The following CSMD1 variants were observed in gnomAD, a reference collection of about 807,000 sequenced individuals.
CSMD1 encodes the protein CUB and sushi domain-containing protein 1.
A neutral mutation model predicts 417.5 loss-of-function variants in CSMD1; 213 were observed. The ratio of observed to expected loss-of-function variants is 0.51; its 90% CI spans 0.46 to 0.57. CSMD1 has a LOEUF of 0.57. CSMD1 is among the 20% of genes least tolerant of loss of function. The probability of loss-of-function intolerance (pLI) is 0.00; values close to 1 mark genes in which losing one functional copy is unlikely to be tolerated. For synonymous variants in CSMD1, 2,862 were observed against 1,736.8 expected (o/e 1.65, Z -16.11); for missense variants, 6,923 against 4,529.7 (o/e 1.53, Z -15.17).
At chr8:3,938,123 T>G (rs2554620) in intron 5 of CSMD1, among the ~76,000 whole-genome samples, 1 of 151,794 alleles carries the variant, frequency 6.6e-6, no homozygotes, top group Non-Finnish European at 1.5e-5. Flanking sequence ...TATAAAATGT[T>G]AGATGTAAAT....
At chr8:4,197,864 G>T (rs1030715311) in intron 3 of CSMD1, among the ~76,000 whole-genome samples, 2 of 152,140 alleles carry the variant, frequency 1.3e-5, no homozygotes, top group African/African-American at 2.4e-5. Flanking sequence ...GGGCAACAGA[G>T]TAAGACTCCA....
At chr8:4,506,076 C>A (rs1273388664) in intron 2 of CSMD1, among the ~76,000 whole-genome samples, 1 of 152,044 alleles carries the variant, frequency 6.6e-6, no homozygotes, top group Non-Finnish European at 1.5e-5. Flanking sequence ...AAAAGCCATT[C>A]GAATAACCAA....
At chr8:4,357,183 A>G (rs1801477875) in intron 3 of CSMD1, among the ~76,000 whole-genome samples, 1 of 152,178 alleles carries the variant, frequency 6.6e-6, no homozygotes, top group South Asian at 2.1e-4. Flanking sequence ...ATGCTCACAC[A>G]TGTAGTGTGT....
intron 49 of CSMD1, among the ~76,000 whole-genome samples, chr8:3,064,342 G>A (rs190177715): frequency 1.3e-5 from 2 of 152,274 alleles, no homozygotes; most frequent in Admixed American, 1.3e-4. Context: ...CAGGAGATCT[G>A]ATGGTTTGAA....
At chr8:4,325,351 G>T (rs150470390) in intron 3 of CSMD1, among the ~76,000 whole-genome samples, 63 of 152,240 alleles carry the variant, frequency 4.1e-4, no homozygotes, top group Non-Finnish European at 7.2e-4. Flanking sequence ...CTCTTGTCTA[G>T]GAAGTCTTAG....
chr8:4,592,535 G>C (rs894323908), intron 2 of CSMD1, among the ~76,000 whole-genome samples: 1 of 151,650 alleles, frequency 6.6e-6, no homozygotes. Context: ...TACAGGGGCC[G>C]GCCACCACGC....
intron 3 of CSMD1, among the ~76,000 whole-genome samples, chr8:4,394,207 C>T (rs1201115944): frequency 6.6e-6 from 1 of 152,038 alleles, no homozygotes; most frequent in African/African-American, 2.4e-5. Context: ...GAGACAAGTG[C>T]CTAGGTCTTA....
At chr8:4,638,369 C>T (rs1466243082) in intron 1 of CSMD1, among the ~76,000 whole-genome samples, 2 of 152,152 alleles carry the variant, frequency 1.3e-5, no homozygotes, top group Non-Finnish European at 2.9e-5. Context: ...TTGATCGGTG[C>T]CTGTGCTGGC....
intron 3 of CSMD1, among the ~76,000 whole-genome samples, chr8:4,065,821 C>CT (rs942136679): frequency 3.9e-5 from 6 of 152,186 alleles, no homozygotes; most frequent in East Asian, 3.9e-4. Flanking sequence ...GAGGAGTTTT[C>CT]TTTTTTTGGA....
chr8:3,292,077 A>G (rs950432050), intron 25 of CSMD1, among the ~76,000 whole-genome samples: 2 of 151,814 alleles, frequency 1.3e-5, no homozygotes, highest in African/African-American at 4.8e-5. Flanking sequence ...CCTTCATTTC[A>G]TTATTTACTC....
At chr8:4,115,448 G>A (rs1485257530) in intron 3 of CSMD1, among the ~76,000 whole-genome samples, 1 of 152,060 alleles carries the variant, frequency 6.6e-6, no homozygotes, top group African/African-American at 2.4e-5. Flanking sequence ...AATCTCTGAG[G>A]TATGCCTGTG....
At chr8:4,342,201 GTGTC>G (rs1480453048) in intron 3 of CSMD1, among the ~76,000 whole-genome samples, 1 of 10,772 alleles carries the variant, frequency 9.3e-5, no homozygotes, top group Non-Finnish European at 2.2e-4. Flanking sequence ...CAGCAGTGCT[GTGTC>G]TGTGTGTGTG....
chr8:3,613,583 G>A (rs1801993094), intron 8 of CSMD1, among the ~76,000 whole-genome samples: 1 of 151,850 alleles, frequency 6.6e-6, no homozygotes, highest in Non-Finnish European at 1.5e-5. Flanking sequence ...TTCAGAATAT[G>A]AGTTTTTAAC....
intron 21 of CSMD1, among the ~76,000 whole-genome samples, chr8:3,351,348 T>C (rs919360847): frequency 3.9e-5 from 6 of 152,056 alleles, no homozygotes; most frequent in African/African-American, 7.2e-5. Context: ...TGGTGACCCA[T>C]GCCTGTAATC....
chr8:3,985,755 GATTT>G lies in CSMD1; in HGVS notation c.818+12144_818+12147del, dbSNP rs1412323124. Among the ~76,000 whole-genome samples the G allele has an allele frequency of 1.1e-4, 8 of 71,986 alleles. No individual in the cohort carries two copies. In the Admixed American group the frequency reaches 1.2e-3, roughly 10 times the overall value. 47.2% of individuals were successfully genotyped at this position (71,986 alleles called of 152,430 possible). A position where few individuals can be genotyped will look rare whatever the true frequency, so the allele number is the denominator to read the frequency against. ...AAGGCTGCCTTTAAAATGTTAAAGT[GATTT>G]TTTTTTTTTTTTTTGAGATGGAGTC... On this transcript the variant is annotated intron_variant, in intron 5 of 69. Coordinates refer to ENST00000635120, the MANE Select transcript of CSMD1 (RefSeq NM_033225.6).
chr8:3,906,748 T>C (rs1438261672), intron 5 of CSMD1, among the ~76,000 whole-genome samples: 1 of 152,194 alleles, frequency 6.6e-6, no homozygotes, highest in Non-Finnish European at 1.5e-5. Flanking sequence ...TTTGATACTG[T>C]AAATTCCTAC....
intron 3 of CSMD1, among the ~76,000 whole-genome samples, chr8:4,160,590 C>G (rs560275538): frequency 1.3e-5 from 2 of 152,286 alleles, no homozygotes; most frequent in African/African-American, 4.8e-5. Context: ...AGGCTGAAGC[C>G]TCCATTTACA....
intron 3 of CSMD1, among the ~76,000 whole-genome samples, chr8:4,170,708 G>C (rs919102374): frequency 4.0e-5 from 6 of 151,792 alleles, no homozygotes; most frequent in South Asian, 2.1e-4. Flanking sequence ...AACTGATATA[G>C]CTAGCATGTG....
intron 5 of CSMD1, among the ~76,000 whole-genome samples, chr8:3,794,045 G>T (rs192820419): frequency 6.6e-6 from 1 of 152,246 alleles, no homozygotes; most frequent in African/African-American, 2.4e-5. Flanking sequence ...CTACTCAAAT[G>T]ACGAACCGTG....
Sources: gnomAD v4.1 joint callset for allele counts (sites outside exome capture counted in the v4.1 genomes callset) on GRCh38, gnomAD v4.1.1 for gene constraint, MANE v1.5 for transcripts, NCBI Gene and HGNC (gene_info 2026-07-23, HGNC 2026-07-21) for gene names.